The following ARHGAP45 variants were observed in gnomAD, a reference collection of about 807,000 sequenced individuals.
The protein encoded by ARHGAP45 is rho GTPase-activating protein 45.
A neutral mutation model predicts 116.1 loss-of-function variants in ARHGAP45; 56 were observed. The ratio of observed to expected loss-of-function variants is 0.48; its 90% confidence interval spans 0.39 to 0.60. The LOEUF (loss-of-function observed/expected upper bound fraction) is 0.60, where lower values mean the gene tolerates loss of function less well. Among genes scored for constraint, ARHGAP45 ranks in the 20% least tolerant of loss-of-function variants. The pLI, the probability that ARHGAP45 is intolerant of heterozygous loss-of-function variation, is 0.00. For missense variants in ARHGAP45, 1,622 were observed against 1,601.0 expected, an observed-to-expected ratio of 1.01 and a Z score of -0.22; for synonymous variants, 866 against 701.7, an observed-to-expected ratio of 1.23 and a Z score of -3.70.
At chr19:1,079,644 T>C (rs2145062362) in intron 11 of ARHGAP45, 59 bp from the exon 12 acceptor site, 3 of 1,577,202 alleles carry the variant, frequency 1.9e-6, no homozygotes, top group Non-Finnish European at 2.6e-6. Flanking sequence ...CTGAGGTTTC[T>C]GTCTGAGTCC....
intron 2 of ARHGAP45, among the ~76,000 whole-genome samples, chr19:1,070,510 C>CT (rs35544064): frequency 0.054 from 7,195 of 133,180 alleles, 537 homozygotes; most frequent in African/African-American, 0.17. Flanking sequence ...TTTTTTCTTT[C>CT]TTTTTTTTTT....
chr19:1,074,732 G>C lies in ARHGAP45; in HGVS notation c.1104+8G>C. 1.9e-6 allele frequency: 3 copies of C among 1,603,784 alleles called. No homozygotes were observed. The highest frequency in any genetic ancestry group is 4.5e-5 in the East Asian group (2 of 44,578). On this transcript the variant is annotated splice_region_variant and intron_variant, in intron 9 of 22. Coordinates refer to ENST00000313093, the MANE Select transcript of ARHGAP45 (RefSeq NM_012292.5). The stretch of plus-strand genomic sequence containing the variant: ...ACCCAGACCTTCATGCAGGTGCGTG[G>C]TGCCCGGGAGGGCGGGCTGGGCGGG...
rs769389480 is a variant in ARHGAP45, at chr19:1,085,961, G to C, written c.3366G>C (p.Arg1122=). ...CCCCCATGAGGCTCCGTGGCGGGCG[G>C]ATGACACTGGGCTCCTGCAGGGAAA... The part of the protein sequence containing the change: ...PLPPMRLRGG[R]MTLGSCRERQ... The change falls in exon 23 of 23, where the codon CGG becomes CGC. Residue 1122 remains arginine (R), a synonymous_variant. Coordinates refer to ENST00000313093, the MANE Select transcript of ARHGAP45 (RefSeq NM_012292.5). 6.2e-7 allele frequency: 1 copy of C among 1,612,926 alleles called. No individual in the cohort carries two copies. Among genetic ancestry groups the C allele is most frequent in the Non-Finnish European group, 8.5e-7 (1 of 1,179,940 alleles).
rs1599769158 is a variant in ARHGAP45, at chr19:1,081,552, C to T, written c.2193C>T (p.Cys731=). 2.7e-6 allele frequency: 4 copies of T among 1,468,928 alleles called. No individual in the cohort carries two copies. The highest frequency in any genetic ancestry group is 1.4e-5 in the South Asian group (1 of 71,400). The allele number at this position is 1,468,928 out of a possible 1,614,324, so 91.0% of individuals were successfully genotyped here. Reference sequence around the variant, plus strand: ...TCACTCACTCTGGCCGCCCCCAGTGCTGCCTGGCCTGCCACAAGAAATGTC... The same window carrying T: ...TCACTCACTCTGGCCGCCCCCAGTGTTGCCTGGCCTGCCACAAGAAATGTC... ...VYFQGAECEE[C]CLACHKKCLE... The change falls in exon 18 of 23, where the codon TGC becomes TGT. Residue 731 remains cysteine, a splice_region_variant and synonymous_variant. Coordinates refer to ENST00000313093, the MANE Select transcript of ARHGAP45 (RefSeq NM_012292.5).
chr19:1,079,917 G>A lies in ARHGAP45; in HGVS notation c.1513-11G>A. 1.2e-6 allele frequency: 2 copies of A among 1,602,312 alleles called. No homozygotes were observed. The highest frequency in any genetic ancestry group is 8.5e-7 in the Non-Finnish European group (1 of 1,171,392). ...CCTCCTGACCCCTCCGCTCTCCGGT[G>A]CCGCCCGCAGGCCACGATCTCCTAC... On this transcript the variant is annotated splice_polypyrimidine_tract_variant and intron_variant, in intron 12 of 22. Transcript: ENST00000313093.
chr19:1,082,353 A>G (rs1044522904), intron 19 of ARHGAP45, among the ~76,000 whole-genome samples: 41 of 139,964 alleles, frequency 2.9e-4, no homozygotes, highest in African/African-American at 1.0e-3. Flanking sequence ...AGGGACCCGT[A>G]TGAGGCTAGG....
intron 1 of ARHGAP45, chr19:1,067,807 G>A: frequency 1.6e-6 from 1 of 614,166 alleles, no homozygotes; most frequent in Non-Finnish European, 2.9e-6. Context: ...GGGGGCTTAG[G>A]CAATCTGGGG....
rs201907876 is a variant in ARHGAP45, at chr19:1,068,486, G to A, written c.163G>A (p.Gly55Ser). 36 of 1,588,784 alleles carry A rather than the reference G, an allele frequency of 2.3e-5. No homozygotes were observed. The highest frequency in any genetic ancestry group is 7.1e-5 in the Admixed American group (4 of 56,544). ...PSLEPPAGSS[G>S]VKATGTLKRP... Reference sequence around the variant, plus strand: ...CCTGGAGCCGCCCGCTGGGTCCTCCGGCGTCAAGGCCACAGGGACCCTCAA... The same window carrying A: ...CCTGGAGCCGCCCGCTGGGTCCTCCAGCGTCAAGGCCACAGGGACCCTCAA... The change falls in exon 2 of 23, where the codon GGC (glycine) becomes AGC (serine). Residue 55 changes from glycine (G) to serine (S), a missense_variant. Gly to Ser is a moderately conservative substitution (Grantham distance 56, BLOSUM62 0). Around this residue, in one of 3 missense-constraint regions of ARHGAP45, gnomAD observed 279 missense variants for 311.9 expected, o/e 0.89. Coordinates refer to ENST00000313093, the MANE Select transcript of ARHGAP45 (RefSeq NM_012292.5). This position sits in a 1 kb window ranked among gnomAD's most constrained non-coding sequence, Gnocchi z 7.5.
In ARHGAP45 at chr19:1,071,234, C is replaced by T. The variant is rs1221549694; in HGVS notation, c.422-1915C>T. 1 of 1,464,974 alleles carries T rather than the reference C, an allele frequency of 6.8e-7. No homozygotes were observed. Among genetic ancestry groups the T allele is most frequent in the Admixed American group, 2.2e-5 (1 of 44,670 alleles). The allele number at this position is 1,464,974 out of a possible 1,614,324, so 90.7% of individuals were successfully genotyped here. Reference sequence around the variant, plus strand: ...CGGTTTGGCCACCGGAGACCCCCATCGGTCAGCTGCCAGGCCCCACGCGCT... The same window carrying T: ...CGGTTTGGCCACCGGAGACCCCCATTGGTCAGCTGCCAGGCCCCACGCGCT... On this transcript the variant is annotated intron_variant, in intron 2 of 22. Transcript: ENST00000313093. This position sits in a 1 kb window ranked among gnomAD's most constrained non-coding sequence, Gnocchi z 4.6.
chr19:1,076,481 GTC>G (rs2043251002), intron 10 of ARHGAP45, among the ~76,000 whole-genome samples: 4 of 104,150 alleles, frequency 3.8e-5, no homozygotes, highest in African/African-American at 1.6e-4. Flanking sequence ...GTTGGCAGTA[GTC>G]TTTTTTTTTT....
chr19:1,084,164 T>A, intron 21 of ARHGAP45, 74 bp from the exon 22 acceptor site: 1 of 1,370,630 alleles, frequency 7.3e-7, no homozygotes, highest in East Asian at 2.3e-5. Flanking sequence ...ACGGGCTGTG[T>A]GGGTGGGTTT....
In ARHGAP45 at chr19:1,081,922, C is replaced by T; in HGVS notation, c.2478C>T (p.Pro826=). ...TGGTCGAGCTGTCGCAGGCCTCGCC[C>T]CACGACATCAGCAACGTCCTCAAGC... ...KELVELSQAS[P]HDISNVLKLY... is the part of the protein sequence containing the mutation. Residue 826 remains proline, a synonymous_variant, in exon 19 of 23, where the codon CCC becomes CCT. Coordinates refer to ENST00000313093, the MANE Select transcript of ARHGAP45 (RefSeq NM_012292.5). 21 of 1,612,798 alleles carry T rather than the reference C, an allele frequency of 1.3e-5. No individual in the cohort carries two copies. Among genetic ancestry groups the T allele is most frequent in the Non-Finnish European group, 1.8e-5 (21 of 1,179,852 alleles).
chr19:1,075,110 C>T (rs2043220089), intron 10 of ARHGAP45, among the ~76,000 whole-genome samples: 1 of 152,006 alleles, frequency 6.6e-6, no homozygotes, highest in South Asian at 2.1e-4. Context: ...GAGCCCGGCG[C>T]TCACTGCTGT....
intron 19 of ARHGAP45, chr19:1,082,420 G>C (rs1057283524): frequency 2.1e-4 from 64 of 309,440 alleles, no homozygotes; most frequent in Middle Eastern, 9.1e-4. Context: ...GCTTGGTGGG[G>C]CGAGGCTGGG....
At chr19:1,081,087 C>T in intron 17 of ARHGAP45, 23 bp downstream of exon 17, 2 of 1,586,044 alleles carry the variant, frequency 1.3e-6, no homozygotes, top group Non-Finnish European at 8.6e-7. Context: ...CCCCGACGGA[C>T]AGCTGGGAGC....
chr19:1,067,056 A>C (rs948059121), upstream of ARHGAP45: 14 of 535,792 alleles, frequency 2.6e-5, no homozygotes, highest in Admixed American at 6.0e-5. Context: ...AGCGTCAGGC[A>C]GGGGCTCCCG....
rs1568464614 is a variant in ARHGAP45, at chr19:1,076,481, G to GTTTTTTTTTTTTTTTTTTTTTTTTT, written c.1186-1375_1186-1374insTTTTTTTTTTTTTTTTTTTTTTTTT. Among the ~76,000 whole-genome samples, 14 of 104,170 alleles carry GTTTTTTTTTTTTTTTTTTTTTTTTT rather than the reference G, an allele frequency of 1.3e-4. 1 individual carries two copies. The highest frequency in any genetic ancestry group is 5.1e-4 in the African/African-American group (13 of 25,342). 68.3% of individuals were successfully genotyped at this position (104,170 alleles called of 152,430 possible). On this transcript the variant is annotated intron_variant, in intron 10 of 22. Coordinates refer to ENST00000313093, the MANE Select transcript of ARHGAP45 (RefSeq NM_012292.5). The stretch of plus-strand genomic sequence containing the variant: ...TAGAAACCTGTGATTGTTGGCAGTA[G>GTTTTTTTTTTTTTTTTTTTTTTTTT]TCTTTTTTTTTTTTTTTTTTTTTTT...
At chr19:1,070,036 C>A (rs1190994232) in intron 2 of ARHGAP45, among the ~76,000 whole-genome samples, 2 of 152,006 alleles carry the variant, frequency 1.3e-5, no homozygotes, top group African/African-American at 4.8e-5. Context: ...CACTCTGTCG[C>A]CCAGGCTGGA....
chr19:1,073,222 C>A lies in ARHGAP45; in HGVS notation c.495C>A (p.Ile165=). ...CTCTGCGTGTCATGCATCAGATCAT[C>A]TCCAAGTACCCGCTGCTGAACACCG... is the stretch of plus-strand genomic sequence containing the variant. ...GEALRVMHQI[I]SKYPLLNTVE... The change falls in exon 3 of 23, where the codon ATC becomes ATA. Residue 165 remains isoleucine, a synonymous_variant. Coordinates refer to ENST00000313093, the MANE Select transcript of ARHGAP45 (RefSeq NM_012292.5). 6.2e-7 allele frequency: 1 copy of A among 1,613,512 alleles called. No homozygotes were observed. The highest frequency in any genetic ancestry group is 8.5e-7 in the Non-Finnish European group (1 of 1,180,024).
Sources: allele counts gnomAD v4.1 joint callset (sites outside exome capture counted in the v4.1 genomes callset), GRCh38; gene constraint gnomAD v4.1.1; regional missense constraint gnomAD v4.1.1; non-coding constraint Gnocchi (gnomAD v3.1); transcripts MANE v1.5; gene names NCBI Gene and HGNC (gene_info 2026-07-23, HGNC 2026-07-21).